ZNF385B: variants seen among roughly 807,000 people sequenced by gnomAD.
ZNF385B encodes the protein zinc finger protein 533.
Under a neutral mutation model 39.2 loss-of-function variants are expected in ZNF385B, and 23 were observed. That is an observed-to-expected ratio of 0.59 (90% CI 0.42 to 0.83). ZNF385B has a LOEUF of 0.83. Among genes scored for constraint, ZNF385B ranks in the 40% least tolerant of loss-of-function variants. ZNF385B has a pLI of 0.00. For synonymous variants in ZNF385B, 205 were observed against 222.6 expected (o/e 0.92, Z 0.70); for missense variants, 552 against 598.9 (o/e 0.92, Z 0.82).
At chr2:179,533,549 C>T (rs1162027777) in intron 4 of ZNF385B, among the ~76,000 whole-genome samples, 2 of 151,966 alleles carry the variant, frequency 1.3e-5, no homozygotes, top group Non-Finnish European at 2.9e-5. Context: ...ATGCTCGGAG[C>T]ACAGGTTAAG....
chr2:179,690,321 T>C (rs932117), intron 3 of ZNF385B, among the ~76,000 whole-genome samples: 43,503 of 152,096 alleles, frequency 0.29, 6,613 homozygotes, highest in Non-Finnish European at 0.35. Flanking sequence ...AGTGATCTAA[T>C]TGTACAGTAG....
chr2:179,626,948 A>G (rs1690714779), intron 3 of ZNF385B, among the ~76,000 whole-genome samples: 1 of 152,162 alleles, frequency 6.6e-6, no homozygotes, highest in Non-Finnish European at 1.5e-5. Context: ...CTGGGCCTCA[A>G]CATTCCCCAG....
At chr2:179,749,651 T>C (rs1329593238) in intron 3 of ZNF385B, among the ~76,000 whole-genome samples, 3 of 152,116 alleles carry the variant, frequency 2.0e-5, no homozygotes, top group Admixed American at 6.6e-5. Flanking sequence ...TAATTACCAC[T>C]GGGCTTGGCT....
In ZNF385B at chr2:179,550,680, T is replaced by C. The variant is rs2060506935; in HGVS notation, c.299-5711A>G. 1.3e-5 allele frequency among the ~76,000 whole-genome samples: 2 copies of C among 149,664 alleles called. 1 individual carries two copies. The highest frequency in any genetic ancestry group is 3.0e-5 in the Non-Finnish European group (2 of 67,676). Reference sequence around the variant, plus strand: ...TTTAAAACCTACTTTTTAATACTGCTTCACCAGGACTTATTGCTTGTTTTT... The same window carrying C: ...TTTAAAACCTACTTTTTAATACTGCCTCACCAGGACTTATTGCTTGTTTTT... On this transcript the variant is annotated intron_variant, in intron 3 of 9. Transcript: ENST00000410066.
intron 3 of ZNF385B, among the ~76,000 whole-genome samples, chr2:179,729,009 C>A (rs1022239344): frequency 2.0e-5 from 3 of 151,250 alleles, no homozygotes; most frequent in African/African-American, 4.9e-5. Context: ...AAATAATAGG[C>A]CAAATTCTAA....
At chr2:179,604,458 A>C (rs1688643876) in intron 3 of ZNF385B, among the ~76,000 whole-genome samples, 1 of 152,080 alleles carries the variant, frequency 6.6e-6, no homozygotes, top group Non-Finnish European at 1.5e-5. Flanking sequence ...TATTATCTAG[A>C]ACTTGGAATT....
At chr2:179,775,932 G>C (rs531122880) in intron 1 of ZNF385B, among the ~76,000 whole-genome samples, 1 of 151,970 alleles carries the variant, frequency 6.6e-6, no homozygotes, top group Admixed American at 6.6e-5. Flanking sequence ...AAATTGTATC[G>C]TCCCTGAAAG....
Position 179,583,685 on chromosome 2 carries a change from T to A in ZNF385B, c.299-38716A>T, listed in dbSNP as rs978364007. On this transcript the variant is annotated intron_variant, in intron 3 of 9. Coordinates refer to ENST00000410066, the MANE Select transcript of ZNF385B (RefSeq NM_152520.6). The stretch of plus-strand genomic sequence containing the variant: ...GCAATGGATACAAACATGTACATAG[T>A]TATACCTCACTCAGCAAGTAATACA... Among the ~76,000 whole-genome samples the A allele has an allele frequency of 4.6e-5, 7 of 152,198 alleles. No individual in the cohort carries two copies. In the South Asian group the frequency reaches 8.3e-4, roughly 18 times the overall value.
At chr2:179,592,675 T>A (rs1445108457) in intron 3 of ZNF385B, among the ~76,000 whole-genome samples, 1 of 152,174 alleles carries the variant, frequency 6.6e-6, no homozygotes, top group Non-Finnish European at 1.5e-5. Context: ...TATGTTCTAT[T>A]GTTTCATGGT....
intron 3 of ZNF385B, among the ~76,000 whole-genome samples, chr2:179,656,531 G>A (rs1015469175): frequency 5.9e-5 from 9 of 152,208 alleles, no homozygotes; most frequent in African/African-American, 2.2e-4. Flanking sequence ...ATAAATACTG[G>A]TGTCAAATAT....
chr2:179,620,025 T>C (rs1690078615), intron 3 of ZNF385B, among the ~76,000 whole-genome samples: 1 of 152,154 alleles, frequency 6.6e-6, no homozygotes, highest in South Asian at 2.1e-4. Context: ...AACTCTGTGG[T>C]TTAAATATTG....
At chr2:179,664,587 A>G (rs924182203) in intron 3 of ZNF385B, among the ~76,000 whole-genome samples, 6 of 152,236 alleles carry the variant, frequency 3.9e-5, no homozygotes, top group Non-Finnish European at 8.8e-5. Flanking sequence ...AATGTTCATT[A>G]CATTATGTAT....
At chr2:179,477,937 AT>A (rs2053603480) in intron 6 of ZNF385B, among the ~76,000 whole-genome samples, 1 of 152,214 alleles carries the variant, frequency 6.6e-6, no homozygotes, top group African/African-American at 2.4e-5. Context: ...TCAGCAAGAA[AT>A]TTAAAAGTCA....
At chr2:179,475,285 C>G (rs2053285557) in intron 6 of ZNF385B, among the ~76,000 whole-genome samples, 1 of 147,110 alleles carries the variant, frequency 6.8e-6, no homozygotes, top group East Asian at 2.0e-4. Context: ...GAATCTCGCT[C>G]TGTTACCCAG....
chr2:179,613,460 T>C (rs565559664), intron 3 of ZNF385B, among the ~76,000 whole-genome samples: 2 of 152,230 alleles, frequency 1.3e-5, no homozygotes, highest in East Asian at 1.9e-4. Flanking sequence ...AAGGGCTCTT[T>C]AGTCAGCAGG....
At chr2:179,834,473 G>A (rs1237339822) in intron 1 of ZNF385B, among the ~76,000 whole-genome samples, 1 of 152,148 alleles carries the variant, frequency 6.6e-6, no homozygotes, top group Non-Finnish European at 1.5e-5. Context: ...TATGATAGGA[G>A]TGAATGATAA....
chr2:179,618,286 C>T (rs958962475), intron 3 of ZNF385B, among the ~76,000 whole-genome samples: 1 of 152,158 alleles, frequency 6.6e-6, no homozygotes, highest in Non-Finnish European at 1.5e-5. Flanking sequence ...GTATTCTTGC[C>T]TACTTATTTC....
intron 4 of ZNF385B, among the ~76,000 whole-genome samples, chr2:179,533,944 A>C (rs1477214042): frequency 1.3e-5 from 2 of 152,212 alleles, no homozygotes; most frequent in African/African-American, 4.8e-5. Flanking sequence ...ATATCACTGG[A>C]GGTAAATAGG....
rs1041185096 is a variant in ZNF385B at position 179,844,565 on chromosome 2, A to G, written c.-155+16536T>C. 5.9e-5 allele frequency among the ~76,000 whole-genome samples: 9 copies of G among 152,218 alleles called. No individual in the cohort carries two copies. In the South Asian group the frequency reaches 1.4e-3, roughly 25 times the overall value. The stretch of plus-strand genomic sequence containing the variant: ...CTGGTGTTATTTCTACTTCAGCAAG[A>G]TTTAAAATTAAAGAAAGAAGCAAGG... On this transcript the variant is annotated intron_variant, in intron 1 of 9. Transcript: ENST00000410066.
Sources: gnomAD v4.1 joint callset for allele counts (sites outside exome capture counted in the v4.1 genomes callset) on GRCh38, gnomAD v4.1.1 for gene constraint, MANE v1.5 for transcripts, NCBI Gene and HGNC (gene_info 2026-07-23, HGNC 2026-07-21) for gene names.